The following CSPP1 variants were observed in gnomAD, a reference collection of about 807,000 sequenced individuals.
CSPP1 encodes the protein centrosome and spindle pole associated protein 1, also known as centrosome and spindle pole-associated protein 1.
A neutral mutation model predicts 164.4 loss-of-function variants in CSPP1; 126 were observed. The ratio of observed to expected loss-of-function variants is 0.77; its 90% CI spans 0.66 to 0.89. The LOEUF (loss-of-function observed/expected upper bound fraction) is 0.89, where lower values mean the gene tolerates loss of function less well. Among genes scored for constraint, CSPP1 ranks in the 40% least tolerant of loss-of-function variants. The probability of loss-of-function intolerance (pLI) is 0.00; values close to 1 mark genes in which losing one functional copy is unlikely to be tolerated. For missense variants in CSPP1, 1,395 were observed against 1,449.8 expected (o/e 0.96, Z 0.61); for synonymous variants, 472 against 476.7 (o/e 0.99, Z 0.13).
chr8:67,179,801 T>C, intron 27 of CSPP1, 62 bp from the exon 28 acceptor site: 1 of 1,152,192 alleles, frequency 8.7e-7, no homozygotes, highest in East Asian at 2.3e-5. Flanking sequence ...CTTCTTAGTA[T>C]AAATTTGTTG....
At chr8:67,113,770 A>G in intron 10 of CSPP1, 35 bp from the exon 11 acceptor site, 1 of 1,155,750 alleles carries the variant, frequency 8.7e-7, no homozygotes, top group Non-Finnish European at 1.3e-6. Context: ...AGTTTACTAT[A>G]TCTTTTTAAT....
intron 21 of CSPP1, among the ~76,000 whole-genome samples, chr8:67,161,148 A>G (rs941566909): frequency 1.3e-5 from 2 of 152,170 alleles, no homozygotes; most frequent in African/African-American, 2.4e-5. Flanking sequence ...ATCTAAATCC[A>G]TTTATGTTTA....
chr8:67,118,261 C>T lies in CSPP1; in HGVS notation c.1510C>T (p.Pro504Ser). The change falls in exon 14 of 31, where the codon CCT becomes TCT. Residue 504 changes from proline to serine, a missense_variant. Pro to Ser is a moderately conservative substitution (Grantham distance 74, BLOSUM62 -1). Coordinates refer to ENST00000678616, the MANE Select transcript of CSPP1 (RefSeq NM_001382391.1). ...CTTTTCATACAGGATTGCACCTCTG[C>T]CTCCACCTCCCCTACTACCACCTTT... ...EMVSPRIAPL[P>S]PPPLLPPLAT... is the part of the protein sequence containing the mutation. The T allele has an allele frequency of 1.2e-6, 2 of 1,613,484 alleles. No individual in the cohort carries two copies. The highest frequency in any genetic ancestry group is 4.5e-5 in the East Asian group (2 of 44,842).
At chr8:67,150,076 T>C (rs776981171) in intron 18 of CSPP1, 141 bp downstream of exon 18, 140 of 802,788 alleles carry the variant, frequency 1.7e-4, no homozygotes, top group Non-Finnish European at 2.3e-4. Context: ...ACACTATTCA[T>C]AAAGTGCCTT....
At chr8:67,167,516 C>T (rs1271454772) in intron 24 of CSPP1, among the ~76,000 whole-genome samples, 15 of 149,156 alleles carry the variant, frequency 1.0e-4, no homozygotes, top group East Asian at 2.0e-4. Flanking sequence ...AGCTGCCGGG[C>T]GGAGGGGCTC....
rs752873157 is a variant in CSPP1, at chr8:67,076,570, G to C, written c.188G>C (p.Arg63Thr). The C allele has an allele frequency of 1.3e-6, 2 of 1,584,810 alleles. No individual in the cohort carries two copies. Among genetic ancestry groups the C allele is most frequent in the Admixed American group, 1.8e-5 (1 of 57,046 alleles). Residue 63 changes from arginine (R) to threonine (T), a missense_variant, in exon 3 of 31, where the codon AGG becomes ACG. Physicochemically the swap from Arg to Thr is moderately conservative, Grantham distance 71. Transcript: ENST00000678616. Reference protein sequence around the residue: ...ENIPPNSQQTRGSLGIDYGLS... With the variant: ...ENIPPNSQQTTGSLGIDYGLS... ...ATACCACCAAATAGTCAACAGACCA[G>C]GGGTTCCTTAGGTATGTCATTAGAT...
intron 19 of CSPP1, 73 bp downstream of exon 19, chr8:67,154,209 G>A: frequency 2.2e-5 from 16 of 728,720 alleles, no homozygotes; most frequent in South Asian, 6.5e-5. Flanking sequence ...ATTTTCTCCA[G>A]GATAAATACT....
At chr8:67,090,217 T>A (rs1811327854) in intron 4 of CSPP1, among the ~76,000 whole-genome samples, 1 of 152,106 alleles carries the variant, frequency 6.6e-6, no homozygotes, top group African/African-American at 2.4e-5. Context: ...AAGTTTAGAG[T>A]TCCATACAGC....
intron 21 of CSPP1, among the ~76,000 whole-genome samples, chr8:67,159,834 C>CTTTCTTTCTTTCTTTCTT (rs1432766316): frequency 7.9e-6 from 1 of 127,308 alleles, no homozygotes; most frequent in East Asian, 2.2e-4. Flanking sequence ...CTCTCTCTTT[C>CTTTCTTTCTTTCTTTCTT]TTTCTTTCTT....
chr8:67,107,760 A>T (rs1192394863), intron 9 of CSPP1, among the ~76,000 whole-genome samples: 1 of 152,134 alleles, frequency 6.6e-6, no homozygotes, highest in Non-Finnish European at 1.5e-5. Context: ...TGCTTTATTT[A>T]AAAAGTGAGA....
At chr8:67,098,712 T>C (rs1813379443) in intron 7 of CSPP1, among the ~76,000 whole-genome samples, 1 of 152,074 alleles carries the variant, frequency 6.6e-6, no homozygotes, top group Admixed American at 6.5e-5. Context: ...TTAAATATAG[T>C]AATCCTAGTC....
At chr8:67,159,754 T>G (rs1586605248) in intron 21 of CSPP1, among the ~76,000 whole-genome samples, 1 of 150,868 alleles carries the variant, frequency 6.6e-6, no homozygotes, top group Non-Finnish European at 1.5e-5. Context: ...ACTCCTGACC[T>G]CAGATGATCC....
At chr8:67,191,260 C>A (rs150020469) in intron 29 of CSPP1, among the ~76,000 whole-genome samples, 6 of 152,304 alleles carry the variant, frequency 3.9e-5, no homozygotes, top group African/African-American at 1.4e-4. Context: ...AGCAATGTCA[C>A]CTCCTTGTTG....
At chr8:67,078,583 A>G (rs1407801443) in intron 3 of CSPP1, among the ~76,000 whole-genome samples, 1 of 151,952 alleles carries the variant, frequency 6.6e-6, no homozygotes, top group Non-Finnish European at 1.5e-5. Context: ...CTGGTCTCGA[A>G]CTCGCTAGCT....
rs918103972 is a variant in CSPP1 at position 67,183,843 on chromosome 8, ATTT to A, written c.3220+3943_3220+3945del. Among the ~76,000 whole-genome samples, 139 of 108,206 alleles carry A rather than the reference ATTT, an allele frequency of 1.3e-3. 1 individual carries two copies. Among genetic ancestry groups the A allele is most frequent in the Middle Eastern group, 0.01 (2 of 194 alleles). 71.0% of individuals were successfully genotyped at this position (108,206 alleles called of 152,430 possible). A position where few individuals can be genotyped will look rare whatever the true frequency, so the allele number is the denominator to read the frequency against. On this transcript the variant is annotated intron_variant, in intron 28 of 30. Transcript: ENST00000678616. ...AGCCAGACTATGTAAAAAATTGGGAATTTTTTTTTTTTTTTTTTTTTTTTTTTT... is the reference window on the plus strand; with the variant it reads ...AGCCAGACTATGTAAAAAATTGGGAATTTTTTTTTTTTTTTTTTTTTTTTT...
chr8:67,153,929 TA>T (rs376221158), intron 18 of CSPP1, 94 bp from the exon 19 acceptor site: 49 of 534,764 alleles, frequency 9.2e-5, no homozygotes, highest in South Asian at 2.0e-4. Context: ...TTTTTTTTTT[TA>T]AAAATGAATT....
chr8:67,195,687 A>AAGTT lies in CSPP1; in HGVS notation c.*96_*99dup, dbSNP rs1837798287. On this transcript the variant is annotated 3_prime_UTR_variant, in exon 31 of 31. Coordinates refer to ENST00000678616, the MANE Select transcript of CSPP1 (RefSeq NM_001382391.1). Reference sequence around the variant, plus strand: ...TGTCCTACTTTTGGCCCCTACCTGAAAGTTACTTTTTTTCCATCATCTGTA... The same window carrying AAGTT: ...TGTCCTACTTTTGGCCCCTACCTGAAAGTTAGTTACTTTTTTTCCATCATCTGTA... 16 of 1,015,738 alleles carry AAGTT rather than the reference A, an allele frequency of 1.6e-5. No homozygotes were observed. In the South Asian group the frequency reaches 1.8e-4, roughly 12 times the overall value. 62.9% of individuals were successfully genotyped at this position (1,015,738 alleles called of 1,614,324 possible).
chr8:67,136,627 C>T (rs1457043114), intron 16 of CSPP1, among the ~76,000 whole-genome samples: 3 of 145,058 alleles, frequency 2.1e-5, no homozygotes, highest in South Asian at 2.3e-4. Context: ...TAAAATTCAG[C>T]ACAATAAAAT....
At chr8:67,154,191 T>C in intron 19 of CSPP1, 55 bp downstream of exon 19, 1 of 847,526 alleles carries the variant, frequency 1.2e-6, no homozygotes, top group Non-Finnish European at 2.0e-6. Flanking sequence ...TAAACAAAAC[T>C]TGCAAAGATT....
Sources: gnomAD v4.1 joint callset for allele counts (sites outside exome capture counted in the v4.1 genomes callset) on GRCh38, gnomAD v4.1.1 for gene constraint, MANE v1.5 for transcripts, NCBI Gene and HGNC (gene_info 2026-07-23, HGNC 2026-07-21) for gene names.